MAP2K6: variants seen among roughly 807,000 people sequenced by gnomAD.
MAP2K6 encodes dual specificity mitogen-activated protein kinase kinase 6.
A neutral mutation model predicts 53.7 loss-of-function variants in MAP2K6; 16 were observed. The observed-to-expected ratio is 0.30, with a 90% confidence interval of 0.20 to 0.45. The LOEUF (loss-of-function observed/expected upper bound fraction) is 0.45, where lower values mean the gene tolerates loss of function less well. Among genes scored for constraint, MAP2K6 ranks in the 20% least tolerant of loss-of-function variants. The probability of loss-of-function intolerance (pLI) is 1.00; values close to 1 mark genes in which losing one functional copy is unlikely to be tolerated. For missense variants in MAP2K6, 204 were observed against 411.9 expected, an observed-to-expected ratio of 0.50 and a Z score of 4.37; for synonymous variants, 132 against 143.1, an observed-to-expected ratio of 0.92 and a Z score of 0.55.
At chr17:69,489,418 A>G (rs1908663429) in intron 1 of MAP2K6, among the ~76,000 whole-genome samples, 1 of 152,204 alleles carries the variant, frequency 6.6e-6, no homozygotes, top group Non-Finnish European at 1.5e-5. Flanking sequence ...AGTCTTCGCA[A>G]TTAACTGATT....
intron 1 of MAP2K6, among the ~76,000 whole-genome samples, chr17:69,505,177 C>T (rs9897250): frequency 0.032 from 4,858 of 151,682 alleles, 252 homozygotes; most frequent in African/African-American, 0.11. Context: ...CATGGTGGCT[C>T]ATGCCTGTAA....
Position 69,543,946 on chromosome 17 carries a change from C to G in MAP2K6, c.*2193C>G, listed in dbSNP as rs1376313643. 6.6e-6 allele frequency: 1 copy of G among 152,164 alleles called. No individual in the cohort carries two copies. The highest frequency in any genetic ancestry group is 1.9e-4 in the East Asian group (1 of 5,192). 9.4% of individuals were successfully genotyped at this position (152,164 alleles called of 1,614,324 possible). ...ACCATCTGGGAGCTGTGAACACTGT[C>G]GCTGCCAATGTTCCAGCCACCAGAG... On this transcript the variant is annotated 3_prime_UTR_variant, in exon 12 of 12. Coordinates refer to ENST00000590474, the MANE Select transcript of MAP2K6 (RefSeq NM_002758.4).
At chr17:69,503,230 G>A (rs968290602) in intron 1 of MAP2K6, among the ~76,000 whole-genome samples, 4 of 152,192 alleles carry the variant, frequency 2.6e-5, no homozygotes, top group Admixed American at 2.0e-4. Context: ...AGTTGAATCC[G>A]TCATTCATTC....
intron 2 of MAP2K6, among the ~76,000 whole-genome samples, chr17:69,515,317 C>T (rs1272130889): frequency 2.0e-5 from 3 of 151,948 alleles, no homozygotes; most frequent in South Asian, 2.1e-4. Flanking sequence ...CCACAATGCC[C>T]GGCTAATTTT....
intron 11 of MAP2K6, among the ~76,000 whole-genome samples, chr17:69,536,605 A>T (rs140216062): frequency 6.6e-6 from 1 of 152,194 alleles, no homozygotes; most frequent in East Asian, 1.9e-4. Context: ...GCTAAGGAGG[A>T]AAAAAAATTT....
At chr17:69,509,014 C>T (rs1164255043) in intron 2 of MAP2K6, among the ~76,000 whole-genome samples, 1 of 152,212 alleles carries the variant, frequency 6.6e-6, no homozygotes, top group Non-Finnish European at 1.5e-5. Context: ...ATTACCACAG[C>T]TGTAGAGTAA....
At chr17:69,536,418 T>G (rs2144862361) in intron 11 of MAP2K6, among the ~76,000 whole-genome samples, 1 of 152,362 alleles carries the variant, frequency 6.6e-6, no homozygotes, top group Non-Finnish European at 1.5e-5. Flanking sequence ...AAATTATGTG[T>G]ATACAATTTA....
At chr17:69,458,861 C>T (rs1303268866) in intron 1 of MAP2K6, among the ~76,000 whole-genome samples, 1 of 152,140 alleles carries the variant, frequency 6.6e-6, no homozygotes, top group East Asian at 1.9e-4. Flanking sequence ...CCTTCTCTTC[C>T]CACTTCTCCA....
At chr17:69,477,035 G>A (rs1908175195) in intron 1 of MAP2K6, 1 of 152,294 alleles carries the variant, frequency 6.6e-6, no homozygotes, top group Admixed American at 6.5e-5. Flanking sequence ...TGGCTTGAGT[G>A]ACAGGGCAGA....
intron 1 of MAP2K6, among the ~76,000 whole-genome samples, chr17:69,470,256 T>C (rs1420561073): frequency 1.3e-5 from 2 of 152,176 alleles, no homozygotes; most frequent in African/African-American, 4.8e-5. Context: ...ACTCTTTAGA[T>C]AACTTGGATT....
chr17:69,537,668 C>A (rs1461767456), intron 11 of MAP2K6, among the ~76,000 whole-genome samples: 1 of 152,180 alleles, frequency 6.6e-6, no homozygotes, highest in Non-Finnish European at 1.5e-5. Context: ...AAGATTGAAC[C>A]ATTTTGCAAC....
chr17:69,483,669 G>A (rs914504853), intron 1 of MAP2K6, among the ~76,000 whole-genome samples: 7 of 152,010 alleles, frequency 4.6e-5, no homozygotes, highest in African/African-American at 1.2e-4. Context: ...GAATGAACTC[G>A]GAGGAATCAC....
chr17:69,483,074 C>T (rs1442561812), intron 1 of MAP2K6, among the ~76,000 whole-genome samples: 1 of 151,810 alleles, frequency 6.6e-6, no homozygotes. Context: ...TCTTTTCTTG[C>T]AATCTGTGTT....
intron 2 of MAP2K6, 144 bp downstream of exon 2, chr17:69,505,990 T>G: frequency 1.6e-6 from 1 of 637,538 alleles, no homozygotes; most frequent in Non-Finnish European, 2.8e-6. Flanking sequence ...TTCTGAGACC[T>G]GAAATAGTCA....
At chr17:69,536,276 C>G in intron 11 of MAP2K6, 116 bp downstream of exon 11, 1 of 750,792 alleles carries the variant, frequency 1.3e-6, no homozygotes, top group African/African-American at 1.8e-5. Context: ...ATTGATACAT[C>G]AGTGACAGGA....
Position 69,536,078 on chromosome 17 carries a change from G to T in MAP2K6, c.882-37G>T. On this transcript the variant is annotated intron_variant, in intron 10 of 11. Coordinates refer to ENST00000590474, the MANE Select transcript of MAP2K6 (RefSeq NM_002758.4). ...TCCTTGTCTAATGAAAATATATATG[G>T]CTTCTAGATTTTAATGATTATTTTT... The T allele has an allele frequency of 7.4e-7, 1 of 1,343,028 alleles. No individual in the cohort carries two copies. Among genetic ancestry groups the T allele is most frequent in the Non-Finnish European group, 1.1e-6 (1 of 937,304 alleles). The allele number at this position is 1,343,028 out of a possible 1,614,324, so 83.2% of individuals were successfully genotyped here.
At chr17:69,538,331 A>G (rs1911453541) in intron 11 of MAP2K6, among the ~76,000 whole-genome samples, 1 of 152,268 alleles carries the variant, frequency 6.6e-6, no homozygotes, top group South Asian at 2.1e-4. Context: ...GTCAAATTCT[A>G]CATTTGTAAT....
chr17:69,515,197 C>T (rs1306560903), intron 2 of MAP2K6, among the ~76,000 whole-genome samples: 3 of 151,688 alleles, frequency 2.0e-5, no homozygotes, highest in African/African-American at 7.3e-5. Flanking sequence ...CACTCTGTCA[C>T]CCAGGCTGGA....
chr17:69,436,125 T>G (rs1906633692), intron 1 of MAP2K6, among the ~76,000 whole-genome samples: 1 of 152,182 alleles, frequency 6.6e-6, no homozygotes, highest in Non-Finnish European at 1.5e-5. Context: ...CTGTAGAGAT[T>G]TAGCTTTGGA....
Sources: gnomAD v4.1 joint callset for allele counts (sites outside exome capture counted in the v4.1 genomes callset) on GRCh38, gnomAD v4.1.1 for gene constraint, MANE v1.5 for transcripts, NCBI Gene and HGNC (gene_info 2026-07-23, HGNC 2026-07-21) for gene names.